Variants in GZMH observed in about 807,000 individuals in gnomAD.
GZMH encodes the protein granzyme H, also known as cathepsin G-like 2, protein h-CCPX.
GZMH carries 24 observed loss-of-function variants against 20.7 expected under a neutral mutation model. The ratio of observed to expected loss-of-function variants is 1.16; its 90% CI spans 0.84 to 1.63. GZMH has a LOEUF of 1.63. Ranked by LOEUF, GZMH falls within the 40% of genes most tolerant of loss-of-function variation. The probability of loss-of-function intolerance (pLI) is 0.00; values close to 1 mark genes in which losing one functional copy is unlikely to be tolerated. For synonymous variants in GZMH, 119 were observed against 116.1 expected, an observed-to-expected ratio of 1.02 and a Z score of -0.16; for missense variants, 344 against 302.7, an observed-to-expected ratio of 1.14 and a Z score of -1.01.
At position 24,606,557 on chromosome 14, in the gene GZMH, C is replaced by T. The variant is rs2066868586; in HGVS notation, c.*46G>A. 1.9e-6 allele frequency: 3 copies of T among 1,584,282 alleles called. No homozygotes were observed. The highest frequency in any genetic ancestry group is 1.7e-4 in the Middle Eastern group (1 of 5,882). ...ACCCCTTGGGGATTCTTGCCTCTGT[C>T]CCAGAGATGGTCAGGCCCAGAGGAA... On this transcript the variant is annotated 3_prime_UTR_variant, in exon 5 of 5. Coordinates refer to ENST00000216338, the MANE Select transcript of GZMH (RefSeq NM_033423.5).
chr14:24,608,779 A>G (rs2066891100), intron 1 of GZMH, among the ~76,000 whole-genome samples: 1 of 152,106 alleles, frequency 6.6e-6, no homozygotes, highest in Non-Finnish European at 1.5e-5. Context: ...TGTCCTCCTG[A>G]TTGGTGCCAT....
rs201575799 is a variant in GZMH, at chr14:24,608,371, G to A, written c.97C>T (p.Pro33Ser). The A allele has an allele frequency of 3.1e-6, 5 of 1,614,176 alleles. No individual in the cohort carries two copies. The East Asian group carries it at 1.1e-4, about 36-fold the overall frequency. ...GGHEAKPHSR[P>S]YMAFVQFLQE... The stretch of plus-strand genomic sequence containing the variant: ...AGAAACTGAACAAAGGCCATGTAGG[G>A]GCGGGAGTGGGGCTTGGCCTCATGG... Residue 33 changes from proline (P) to serine (S), a missense_variant, in exon 2 of 5, where the codon CCC (proline) becomes TCC (serine). Transcript: ENST00000216338.
chr14:24,608,426 CTG>C lies in GZMH; in HGVS notation c.56-16_56-15del, dbSNP rs1235761330. 1 of 1,613,706 alleles carries C rather than the reference CTG, an allele frequency of 6.2e-7. No homozygotes were observed. Among genetic ancestry groups the C allele is most frequent in the Non-Finnish European group, 8.5e-7 (1 of 1,179,770 alleles). On this transcript the variant is annotated splice_polypyrimidine_tract_variant and intron_variant, in intron 1 of 4. Coordinates refer to ENST00000216338, the MANE Select transcript of GZMH (RefSeq NM_033423.5). The stretch of plus-strand genomic sequence containing the variant: ...CGATGATCTCCTCTGAAAGGAAAGA[CTG>C]GAAGATAAAGTAGCTGGGGATGGCT...
Position 24,606,632 on chromosome 14 carries a change from A to G in GZMH, c.712T>C (p.Trp238Arg), listed in dbSNP as rs1352268893. The G allele has an allele frequency of 3.1e-6, 5 of 1,613,940 alleles. No individual in the cohort carries two copies. Among genetic ancestry groups the G allele is most frequent in the East Asian group, 2.2e-5 (1 of 44,880 alleles). The change falls in exon 5 of 5, where the codon TGG (tryptophan) becomes CGG (arginine). Residue 238 changes from tryptophan to arginine, a missense_variant. Trp to Arg is a moderately radical substitution (Grantham distance 101, BLOSUM62 -3). Transcript: ENST00000216338. ...AGGCGCTTCATTGTTCTCTTTATCC[A>G]GGGCAGGAAGTGTGAGACCTTGATG... Reference protein sequence around the residue: ...VYIKVSHFLPWIKRTMKRL With the variant: ...VYIKVSHFLPRIKRTMKRL
chr14:24,608,681 C>T (rs2066890377), intron 1 of GZMH, among the ~76,000 whole-genome samples: 2 of 152,218 alleles, frequency 1.3e-5, no homozygotes, highest in Non-Finnish European at 2.9e-5. Context: ...GATCTATTTT[C>T]ACAGTGGTAG....
At chr14:24,608,724 G>A (rs1006092912) in intron 1 of GZMH, among the ~76,000 whole-genome samples, 1 of 152,182 alleles carries the variant, frequency 6.6e-6, no homozygotes, top group Non-Finnish European at 1.5e-5. Context: ...GACTTCCCAG[G>A]CTCCTCCTTT....
intron 3 of GZMH, 52 bp downstream of exon 3, chr14:24,607,560 G>A (rs2138480044): frequency 6.2e-7 from 1 of 1,611,794 alleles, no homozygotes; most frequent in Admixed American, 1.7e-5. Context: ...ATCCCAGTGG[G>A]AGTGGAACCA....
rs570242399 is a variant in GZMH at position 24,609,353 on chromosome 14, A to G, written c.55+206T>C. ...ACTCCAGGTCATAAAGGAGAGGTCT[A>G]GGGAGAGGCTAACACCCATTAAACC... On this transcript the variant is annotated intron_variant, in intron 1 of 4. Transcript: ENST00000216338. Among the ~76,000 whole-genome samples, 58 of 152,340 alleles carry G rather than the reference A, an allele frequency of 3.8e-4. No homozygotes were observed. The South Asian group carries it at 6.2e-3, about 16-fold the overall frequency.
chr14:24,608,618 G>GGACA (rs947603226), intron 1 of GZMH, among the ~76,000 whole-genome samples: 93 of 152,308 alleles, frequency 6.1e-4, no homozygotes, highest in African/African-American at 2.1e-3. Context: ...CAGAAAGAAT[G>GGACA]GACAGTGCTT....
chr14:24,608,521 G>T, intron 1 of GZMH, 109 bp from the exon 2 acceptor site: 1 of 1,218,448 alleles, frequency 8.2e-7, no homozygotes. Context: ...TGCAGACAGT[G>T]AGGGAGGGGT....
At position 24,606,574 on chromosome 14, in the gene GZMH, C is replaced by T. The variant is rs376967753; in HGVS notation, c.*29G>A. ...GCCTCTGTCCCAGAGATGGTCAGGC[C>T]CAGAGGAAGGTTAGTCTCATGCCTG... On this transcript the variant is annotated 3_prime_UTR_variant, in exon 5 of 5. Transcript: ENST00000216338. The T allele has an allele frequency of 3.6e-5, 57 of 1,604,586 alleles. No homozygotes were observed. In the African/African-American group the frequency reaches 5.6e-4, roughly 16 times the overall value.
rs1462114442 is a variant in GZMH at position 24,607,374 on chromosome 14, C to T, written c.372G>A (p.Val124=). 5 of 1,606,630 alleles carry T rather than the reference C, an allele frequency of 3.1e-6. No homozygotes were observed. Among genetic ancestry groups the T allele is most frequent in the African/African-American group, 1.3e-5 (1 of 74,930 alleles). ...TGCTGCTAGGTAGCCTGAGAGGCCG[C>T]ACAGCTGTGGTCCACTTGGCCTTTC... The part of the protein sequence containing the change: ...LERKAKWTTA[V]RPLRLPSSKA... The change falls in exon 4 of 5, where the codon GTG becomes GTA. Residue 124 remains valine (V), a synonymous_variant. Transcript: ENST00000216338.
In GZMH at chr14:24,609,503, G is replaced by A. The variant is rs1594819325; in HGVS notation, c.55+56C>T. 3.3e-6 allele frequency: 4 copies of A among 1,221,616 alleles called. No homozygotes were observed. The East Asian group carries it at 7.5e-5, about 23-fold the overall frequency. 75.7% of individuals were successfully genotyped at this position (1,221,616 alleles called of 1,614,324 possible). On this transcript the variant is annotated intron_variant, in intron 1 of 4. Coordinates refer to ENST00000216338, the MANE Select transcript of GZMH (RefSeq NM_033423.5). ...GAAAATTCCTGACCAGTGCTCATGGGTACAGGGTATCTTATAAGATGGGTT... is the reference window on the plus strand; with the variant it reads ...GAAAATTCCTGACCAGTGCTCATGGATACAGGGTATCTTATAAGATGGGTT...
At chr14:24,607,819 T>C in intron 2 of GZMH, 72 bp from the exon 3 acceptor site, 1 of 1,607,764 alleles carries the variant, frequency 6.2e-7, no homozygotes, top group Non-Finnish European at 8.5e-7. Context: ...GAAGAGCAGA[T>C]GACAGCTGTG....
intron 4 of GZMH, 61 bp downstream of exon 4, chr14:24,607,088 C>T: frequency 6.5e-7 from 1 of 1,543,134 alleles, no homozygotes; most frequent in Admixed American, 1.7e-5. Context: ...TGTCATACCC[C>T]AGAACTCCCT....
intron 4 of GZMH, 107 bp from the exon 5 acceptor site, chr14:24,606,853 C>A: frequency 9.7e-7 from 1 of 1,035,674 alleles, no homozygotes; most frequent in Non-Finnish European, 1.4e-6. Context: ...CACTCACCTC[C>A]CTCAGTCCTG....
At position 24,607,181 on chromosome 14, in the gene GZMH, C is replaced by T; in HGVS notation, c.565G>A (p.Gly189Arg). 1 of 1,613,910 alleles carries T rather than the reference C, an allele frequency of 6.2e-7. No homozygotes were observed. The highest frequency in any genetic ancestry group is 8.5e-7 in the Non-Finnish European group (1 of 1,179,848). Residue 189 changes from glycine to arginine, a missense_variant, in exon 4 of 5, where the codon GGG (glycine) becomes AGG (arginine). Physicochemically the swap from Gly to Arg is moderately radical, Grantham distance 125. Transcript: ENST00000216338. ...CCGGTCTGTGTCTTCTTTGGATCCC[C>T]CACACAAATCTCAGTGGCTCTGCTG... ...NYSRATEICV[G>R]DPKKTQTGFK...
In GZMH at chr14:24,608,343, T is replaced by A. The variant is rs1256300884; in HGVS notation, c.125A>T (p.Gln42Leu). 2 of 1,614,248 alleles carry A rather than the reference T, an allele frequency of 1.2e-6. No homozygotes were observed. The highest frequency in any genetic ancestry group is 1.7e-6 in the Non-Finnish European group (2 of 1,180,036). Residue 42 changes from glutamine (Q) to leucine (L), a missense_variant, in exon 2 of 5, where the codon CAA (glutamine) becomes CTA (leucine). Gln to Leu is a moderately radical substitution (Grantham distance 113, BLOSUM62 -2). Coordinates refer to ENST00000216338, the MANE Select transcript of GZMH (RefSeq NM_033423.5). ...GCCACACCTCTTCCGACTCTTCTCT[T>A]GCAGAAACTGAACAAAGGCCATGTA... Reference protein sequence around the residue: ...RPYMAFVQFLQEKSRKRCGGI... With the variant: ...RPYMAFVQFLLEKSRKRCGGI...
In GZMH at chr14:24,608,376, G is replaced by T. The variant is rs1177255871; in HGVS notation, c.92C>A (p.Ser31Tyr). The T allele has an allele frequency of 6.2e-7, 1 of 1,614,162 alleles. No individual in the cohort carries two copies. The highest frequency in any genetic ancestry group is 1.7e-5 in the Admixed American group (1 of 60,026). Residue 31 changes from serine to tyrosine, a missense_variant, in exon 2 of 5, where the codon TCC (serine) becomes TAC (tyrosine). Ser to Tyr is a moderately radical substitution (Grantham distance 144). Coordinates refer to ENST00000216338, the MANE Select transcript of GZMH (RefSeq NM_033423.5). ...CTGAACAAAGGCCATGTAGGGGCGG[G>T]AGTGGGGCTTGGCCTCATGGCCCCC... ...IIGGHEAKPH[S>Y]RPYMAFVQFL...
Sources: gnomAD v4.1 joint callset for allele counts (sites outside exome capture counted in the v4.1 genomes callset) on GRCh38, gnomAD v4.1.1 for gene constraint, MANE v1.5 for transcripts, NCBI Gene and HGNC (gene_info 2026-07-23, HGNC 2026-07-21) for gene names.